Variants in RSL24D1 observed in about 807,000 individuals in gnomAD.
RSL24D1 encodes probable ribosome biogenesis protein RLP24.
Under a neutral mutation model 26.2 loss-of-function variants are expected in RSL24D1, and 6 were observed. That is an observed-to-expected ratio of 0.23 (90% CI 0.13 to 0.45). The LOEUF (loss-of-function observed/expected upper bound fraction) is 0.45, where lower values mean the gene tolerates loss of function less well. RSL24D1 is among the 20% of genes least tolerant of loss of function. The pLI is 0.99. For missense variants in RSL24D1, 176 were observed against 202.6 expected (o/e 0.87, Z 0.80); for synonymous variants, 61 against 59.1 (o/e 1.03, Z -0.15).
intron 1 of RSL24D1, among the ~76,000 whole-genome samples, chr15:55,195,969 G>A: frequency 6.6e-6 from 1 of 152,088 alleles, no homozygotes; most frequent in East Asian, 1.9e-4. Flanking sequence ...ATCTGTAAAC[G>A]CCCAGTAATT....
Position 55,182,006 on chromosome 15 carries a change from A to G in RSL24D1, c.*146T>C. On this transcript the variant is annotated 3_prime_UTR_variant, in exon 6 of 6. Transcript: ENST00000260443. The stretch of plus-strand genomic sequence containing the variant: ...TGCAATCTAACATCCGTAATATCTG[A>G]TATTATGTAGATGGCAATGCAGGAA... The G allele has an allele frequency of 1.7e-6, 1 of 582,410 alleles. No homozygotes were observed. 36.1% of individuals were successfully genotyped at this position (582,410 alleles called of 1,614,324 possible). A position where few individuals can be genotyped will look rare whatever the true frequency, so the allele number is the denominator to read the frequency against.
intron 3 of RSL24D1, among the ~76,000 whole-genome samples, chr15:55,188,804 C>A (rs567971830): frequency 6.6e-6 from 1 of 152,248 alleles, no homozygotes; most frequent in East Asian, 1.9e-4. Flanking sequence ...AAAGTAGTTA[C>A]AAAATATGTA....
chr15:55,183,572 C>A (rs962930207), intron 4 of RSL24D1, among the ~76,000 whole-genome samples, 172 bp from the exon 5 acceptor site: 3 of 152,156 alleles, frequency 2.0e-5, no homozygotes, highest in Non-Finnish European at 4.4e-5. Context: ...CACAACGCCC[C>A]CCATCCAGCA....
chr15:55,188,811 T>C (rs1021144119), intron 3 of RSL24D1, among the ~76,000 whole-genome samples: 3 of 152,264 alleles, frequency 2.0e-5, no homozygotes, highest in Admixed American at 6.5e-5. Flanking sequence ...TTACAAAATA[T>C]GTAAAAATGA....
intron 1 of RSL24D1, chr15:55,196,598 G>A: frequency 1.7e-6 from 1 of 598,832 alleles, no homozygotes; most frequent in Non-Finnish European, 3.0e-6. Context: ...CCCAAGGGTG[G>A]CGTGGTGGCC....
intron 4 of RSL24D1, among the ~76,000 whole-genome samples, chr15:55,183,846 C>A (rs1205486126): frequency 1.3e-5 from 2 of 152,122 alleles, no homozygotes; most frequent in African/African-American, 2.4e-5. Context: ...TGTACCTAGA[C>A]TGGCACGAAA....
Position 55,190,060 on chromosome 15 carries a change from C to T in RSL24D1, c.268+915G>A, listed in dbSNP as rs149615902. Among the ~76,000 whole-genome samples, 479 of 152,100 alleles carry T rather than the reference C, an allele frequency of 3.1e-3. 4 individuals are homozygous for T. The highest frequency in any genetic ancestry group is 0.011 in the African/African-American group (446 of 41,510). ...GTCAGGAGTTCAAGGCCACCCTGGC[C>T]AACATGGCAAAACCCCATCTCTACT... On this transcript the variant is annotated intron_variant, in intron 3 of 5. Coordinates refer to ENST00000260443, the MANE Select transcript of RSL24D1 (RefSeq NM_016304.3).
chr15:55,185,459 C>T (rs747251678), intron 3 of RSL24D1, 34 bp from the exon 4 acceptor site: 99 of 1,482,228 alleles, frequency 6.7e-5, no homozygotes, highest in Non-Finnish European at 7.9e-5. Context: ...CAAATGTATG[C>T]ACATTCAAGC....
intron 1 of RSL24D1, chr15:55,194,088 G>A (rs1894328436): frequency 6.6e-6 from 1 of 151,834 alleles, no homozygotes; most frequent in South Asian, 2.1e-4. Context: ...ATTTGTTTTG[G>A]CTCCTCTCAA....
chr15:55,195,898 T>A (rs1894350127), intron 1 of RSL24D1, among the ~76,000 whole-genome samples: 1 of 152,184 alleles, frequency 6.6e-6, no homozygotes, highest in African/African-American at 2.4e-5. Flanking sequence ...ATATACAGAT[T>A]CTTAGACCCT....
Position 55,183,348 on chromosome 15 carries a change from G to C in RSL24D1, c.385C>G (p.Gln129Glu). 1 of 1,611,776 alleles carries C rather than the reference G, an allele frequency of 6.2e-7. No homozygotes were observed. Among genetic ancestry groups the C allele is most frequent in the Non-Finnish European group, 8.5e-7 (1 of 1,179,572 alleles). The change falls in exon 5 of 6, where the codon CAA becomes GAA. Residue 129 changes from glutamine (Q) to glutamate (E), a missense_variant. Physicochemically the swap from Gln to Glu is conservative, Grantham distance 29. This residue lies in a region of RSL24D1 where 89 missense variants were observed against 135.1 expected (regional missense o/e 0.66). Transcript: ENST00000260443. Reference sequence around the variant, plus strand: ...GGGGCTCGGATAAGATGGATGTTTTGCTTGACTTCTTTGATATCCTGAACT... The same window carrying C: ...GGGGCTCGGATAAGATGGATGTTTTCCTTGACTTCTTTGATATCCTGAACT... ...QKVQDIKEVK[Q>E]NIHLIRAPLA... is the part of the protein sequence containing the mutation.
intron 2 of RSL24D1, 151 bp downstream of exon 2, chr15:55,192,569 G>C: frequency 1.9e-6 from 1 of 521,128 alleles, no homozygotes; most frequent in Non-Finnish European, 3.5e-6. Context: ...GATCATGTGA[G>C]AATGAGATTA....
In RSL24D1 at chr15:55,181,766, A is replaced by G. The variant is rs952510820; in HGVS notation, c.*386T>C. ...AGTTCCTTTTTGTATCCCCCCTTCT[A>G]TAACATTAACAAAGGGAATATTTTA... On this transcript the variant is annotated 3_prime_UTR_variant, in exon 6 of 6. Transcript: ENST00000260443. 2.5e-5 allele frequency: 4 copies of G among 160,026 alleles called. No homozygotes were observed. Among genetic ancestry groups the G allele is most frequent in the African/African-American group, 9.6e-5 (4 of 41,706 alleles). The allele number at this position is 160,026 out of a possible 1,614,324, so 9.9% of individuals were successfully genotyped here. A position where few individuals can be genotyped will look rare whatever the true frequency, so the allele number is the denominator to read the frequency against.
intron 3 of RSL24D1, among the ~76,000 whole-genome samples, chr15:55,190,709 A>C (rs117520756): frequency 2.5e-4 from 38 of 152,172 alleles, no homozygotes; most frequent in African/African-American, 9.2e-4. Context: ...AGCCATTTTT[A>C]TGTTTTTACA....
At chr15:55,183,545 C>T (rs1295038150) in intron 4 of RSL24D1, 145 bp from the exon 5 acceptor site, 3 of 624,794 alleles carry the variant, frequency 4.8e-6, no homozygotes, top group Non-Finnish European at 5.7e-6. Flanking sequence ...CTTCTGTTCA[C>T]TCCCCTTTCT....
At chr15:55,189,589 A>G (rs1372144353) in intron 3 of RSL24D1, among the ~76,000 whole-genome samples, 1 of 152,174 alleles carries the variant, frequency 6.6e-6, no homozygotes, top group East Asian at 1.9e-4. Flanking sequence ...CTTAAAACAT[A>G]AAGAGATTTT....
intron 4 of RSL24D1, among the ~76,000 whole-genome samples, chr15:55,184,539 C>T (rs1894203760): frequency 6.6e-6 from 1 of 152,100 alleles, no homozygotes; most frequent in Non-Finnish European, 1.5e-5. Flanking sequence ...ACAATCACAA[C>T]AATAGTAGTA....
Position 55,196,876 on chromosome 15 carries a change from C to G in RSL24D1, c.15G>C (p.Lys5Asn). Residue 5 changes from lysine to asparagine, a missense_variant, in exon 1 of 6, where the codon AAG becomes AAC. Lys to Asn is a moderately conservative substitution (Grantham distance 94, BLOSUM62 0). Around this residue, in one of 3 missense-constraint regions of RSL24D1, gnomAD observed 44 missense variants for 28.8 expected, o/e 1.53. Transcript: ENST00000260443. ...AGATGGGCCCCGAACAGAAATAACA[C>G]TTTTCGATACGCATGTTGAACCCGC... MRIE[K>N]CYFCSGPIYP... The G allele has an allele frequency of 6.2e-7, 1 of 1,614,222 alleles. No individual in the cohort carries two copies. Among genetic ancestry groups the G allele is most frequent in the African/African-American group, 1.3e-5 (1 of 75,058 alleles).
rs766496104 is a variant in RSL24D1 at position 55,196,844 on chromosome 15, C to G, written c.47G>C (p.Gly16Ala). The change falls in exon 1 of 6, where the codon GGA becomes GCA. Residue 16 changes from glycine to alanine, a missense_variant. Gly to Ala is a moderately conservative substitution (Grantham distance 60). Coordinates refer to ENST00000260443, the MANE Select transcript of RSL24D1 (RefSeq NM_016304.3). ...CYFCSGPIYPGHGMMFVRNDC... is the reference protein window; with the variant it reads ...CYFCSGPIYPAHGMMFVRNDC... ...GTTGCGGACGAACATCATGCCGTGT[C>G]CAGGATAGATGGGCCCCGAACAGAA... 3 of 1,614,056 alleles carry G rather than the reference C, an allele frequency of 1.9e-6. No individual in the cohort carries two copies. Among genetic ancestry groups the G allele is most frequent in the South Asian group, 1.1e-5 (1 of 91,090 alleles).
Sources: allele counts gnomAD v4.1 joint callset (sites outside exome capture counted in the v4.1 genomes callset), GRCh38; gene constraint gnomAD v4.1.1; regional missense constraint gnomAD v4.1.1; transcripts MANE v1.5; gene names NCBI Gene and HGNC (gene_info 2026-07-23, HGNC 2026-07-21).